The following ARHGEF40 variants were observed in gnomAD, a reference collection of about 807,000 sequenced individuals.
The protein encoded by ARHGEF40 is Rho guanine nucleotide exchange factor (GEF) 40.
In ARHGEF40, 98 loss-of-function variants were observed where a neutral mutation model predicts 165.9. The ratio of observed to expected loss-of-function variants is 0.59; its 90% CI spans 0.50 to 0.70. The LOEUF (loss-of-function observed/expected upper bound fraction) is 0.70. Among genes scored for constraint, ARHGEF40 ranks in the 30% least tolerant of loss-of-function variants. ARHGEF40 has a pLI of 0.00. For missense variants in ARHGEF40, 1,815 were observed against 1,968.0 expected (o/e 0.92, Z 1.47); for synonymous variants, 792 against 814.3 (o/e 0.97, Z 0.47).
chr14:21,082,241 C>T lies in ARHGEF40; in HGVS notation c.3252-3C>T. On this transcript the variant is annotated splice_region_variant and splice_polypyrimidine_tract_variant and intron_variant, in intron 14 of 23. Coordinates refer to ENST00000298694, the MANE Select transcript of ARHGEF40 (RefSeq NM_018071.5). Reference sequence around the variant, plus strand: ...TCCTCTGCCACTCCTATTGTGCCTGCAGTGCCCAGCAGCGGCTGGTGTCTG... The same window carrying T: ...TCCTCTGCCACTCCTATTGTGCCTGTAGTGCCCAGCAGCGGCTGGTGTCTG... 2 of 1,603,728 alleles carry T rather than the reference C, an allele frequency of 1.2e-6. No homozygotes were observed. The highest frequency in any genetic ancestry group is 1.7e-6 in the Non-Finnish European group (2 of 1,172,886).
rs1887191910 is a variant in ARHGEF40, at chr14:21,074,072, C to G, written c.342C>G (p.Ala114=). Residue 114 remains alanine (A), a synonymous_variant, in exon 3 of 24, where the codon GCC becomes GCG. Transcript: ENST00000298694. This position sits in a 1 kb window ranked among gnomAD's most constrained non-coding sequence, Gnocchi z 4.8. ...DFYLQVVPSA[A]QAPRLALKCL... ...ATCTGCAGGTGGTGCCCTCAGCTGC[C>G]CAAGCACCCCGACTAGCACTCAAGT... The G allele has an allele frequency of 6.2e-7, 1 of 1,613,992 alleles. No individual in the cohort carries two copies. The highest frequency in any genetic ancestry group is 1.3e-5 in the African/African-American group (1 of 74,902).
At position 21,073,988 on chromosome 14, in the gene ARHGEF40, A is replaced by T; in HGVS notation, c.258A>T (p.Glu86Asp). Reference sequence around the variant, plus strand: ...AGGGGTGGCCGCTCTGCCTGCATGAACAGGTGGTGGTGCAGCTAGCAGCCC... The same window carrying T: ...AGGGGTGGCCGCTCTGCCTGCATGATCAGGTGGTGGTGCAGCTAGCAGCCC... ...FHEGWPLCLH[E>D]QVVVQLAALP... Residue 86 changes from glutamate (E) to aspartate (D), a missense_variant, in exon 3 of 24, where the codon GAA becomes GAT. Physicochemically the swap from Glu to Asp is conservative, Grantham distance 45 (BLOSUM62 2). Coordinates refer to ENST00000298694, the MANE Select transcript of ARHGEF40 (RefSeq NM_018071.5). The surrounding 1 kb of genome is among the most constrained non-coding windows in gnomAD (Gnocchi z 4.6). 6.2e-7 allele frequency: 1 copy of T among 1,612,786 alleles called. No individual in the cohort carries two copies. The highest frequency in any genetic ancestry group is 8.5e-7 in the Non-Finnish European group (1 of 1,179,940).
chr14:21,085,748 G>A lies in ARHGEF40; in HGVS notation c.4020G>A (p.Trp1340Ter). 1.2e-6 allele frequency: 2 copies of A among 1,614,212 alleles called. No homozygotes were observed. Among genetic ancestry groups the A allele is most frequent in the Non-Finnish European group, 1.7e-6 (2 of 1,180,046 alleles). The change falls in exon 19 of 24, where the codon TGG (tryptophan) becomes TGA (stop). Residue 1340 changes from tryptophan (W) to a stop codon, truncating the protein, a stop_gained. Coordinates refer to ENST00000298694, the MANE Select transcript of ARHGEF40 (RefSeq NM_018071.5). LOFTEE classifies it high-confidence loss of function. ...ACAGCGGACTCTGCTTTGAGTTGTG[G>A]TTTCGGCGGCGGCGTGCACGAGAGG... Reference protein sequence around the residue: ...IGDSGLCFELWFRRRRAREAY... With the variant: ...IGDSGLCFEL
rs898976274 is a variant in ARHGEF40, at chr14:21,090,139, T to C, written c.*1131T>C. 2 of 460,898 alleles carry C rather than the reference T, an allele frequency of 4.3e-6. No homozygotes were observed. The highest frequency in any genetic ancestry group is 8.6e-6 in the Non-Finnish European group (2 of 232,298). 28.6% of individuals were successfully genotyped at this position (460,898 alleles called of 1,614,324 possible). A position where few individuals can be genotyped will look rare whatever the true frequency, so the allele number is the denominator to read the frequency against. On this transcript the variant is annotated 3_prime_UTR_variant, in exon 24 of 24. Transcript: ENST00000298694. This position sits in a 1 kb window ranked among gnomAD's most constrained non-coding sequence, Gnocchi z 4.4. Reference sequence around the variant, plus strand: ...TCTGCAATAGGGATGACAGGAATCGTACCAAAAATAGCGACGTCTACAGGG... The same window carrying C: ...TCTGCAATAGGGATGACAGGAATCGCACCAAAAATAGCGACGTCTACAGGG...
rs762080940 is a variant in ARHGEF40, at chr14:21,075,564, G to A, written c.1618+65G>A. On this transcript the variant is annotated intron_variant, in intron 4 of 23. Transcript: ENST00000298694. The surrounding 1 kb of genome is among the most constrained non-coding windows in gnomAD (Gnocchi z 4.5). ...AAAGAGAAGCAATTGGGTGGGCTTG[G>A]GGACTGGGGGAGGCAGGGTGGAAAG... 13 of 1,613,990 alleles carry A rather than the reference G, an allele frequency of 8.1e-6. No homozygotes were observed. Among genetic ancestry groups the A allele is most frequent in the Non-Finnish European group, 1.0e-5 (12 of 1,180,010 alleles).
At position 21,080,912 on chromosome 14, in the gene ARHGEF40, G is replaced by C. The variant is rs1440319668; in HGVS notation, c.2536G>C (p.Glu846Gln). ...GGCACGGGAGGCCCTGGCTCTGGAGGAGAATGCCACCTCCCAGAAGGTGCT... is the reference window on the plus strand; with the variant it reads ...GGCACGGGAGGCCCTGGCTCTGGAGCAGAATGCCACCTCCCAGAAGGTGCT... ...AQAREALALE[E>Q]NATSQKVLDI... The change falls in exon 13 of 24, where the codon GAG (glutamate) becomes CAG (glutamine). Residue 846 changes from glutamate to glutamine, a missense_variant. By Grantham distance (29) the Glu-to-Gln change is conservative. Transcript: ENST00000298694. 1 of 1,614,070 alleles carries C rather than the reference G, an allele frequency of 6.2e-7. No homozygotes were observed. Among genetic ancestry groups the C allele is most frequent in the Admixed American group, 1.7e-5 (1 of 60,006 alleles).
chr14:21,072,442 A>T lies in ARHGEF40; in HGVS notation c.4-603A>T, dbSNP rs989512927. Among the ~76,000 whole-genome samples, 4 of 152,130 alleles carry T rather than the reference A, an allele frequency of 2.6e-5. No individual in the cohort carries two copies. The highest frequency in any genetic ancestry group is 6.5e-5 in the Admixed American group (1 of 15,276). On this transcript the variant is annotated intron_variant, in intron 1 of 23. Transcript: ENST00000298694. The surrounding 1 kb of genome is among the most constrained non-coding windows in gnomAD (Gnocchi z 4.1). ...AGCCACTGTGGGAGAAGGAAGAGGG[A>T]TGCTAGAAAGACCCAAGACAGTCAC...
rs796892810 is a variant in ARHGEF40 at position 21,078,960 on chromosome 14, C to T, written c.2323C>T (p.Leu775=). ...AIHQLVRLSN[L]HVQQQEQRQC... ...TCACCAGCTTGTGCGCCTCTCCAACCTGCACGTGCAGCAGCAAGAGCAGCG... is the reference window on the plus strand; with the variant it reads ...TCACCAGCTTGTGCGCCTCTCCAACTTGCACGTGCAGCAGCAAGAGCAGCG... Residue 775 remains leucine, a synonymous_variant, in exon 11 of 24, where the codon CTG becomes TTG. Transcript: ENST00000298694. The T allele has an allele frequency of 2.5e-6, 4 of 1,614,208 alleles. No homozygotes were observed. The African/African-American group carries it at 5.3e-5, about 22-fold the overall frequency.
intron 20 of ARHGEF40, 106 bp downstream of exon 20, chr14:21,087,211 A>G (rs993019620): frequency 1.0e-5 from 16 of 1,577,702 alleles, no homozygotes; most frequent in African/African-American, 2.7e-5. Context: ...CTCGTCCCCA[A>G]ATCAGTGGGA....
chr14:21,078,077 G>A (rs548204254), intron 8 of ARHGEF40, 100 bp from the exon 9 acceptor site: 65 of 1,026,548 alleles, frequency 6.3e-5, no homozygotes, highest in Non-Finnish European at 8.8e-5. Context: ...ATTCAGCATT[G>A]CCTCCATAAA....
chr14:21,088,090 T>C lies in ARHGEF40; in HGVS notation c.4510T>C (p.Ser1504Pro). 1.2e-6 allele frequency: 2 copies of C among 1,610,464 alleles called. No individual in the cohort carries two copies. The highest frequency in any genetic ancestry group is 1.7e-6 in the Non-Finnish European group (2 of 1,178,366). The change falls in exon 22 of 24, where the codon TCC becomes CCC. Residue 1504 changes from serine (S) to proline (P), a missense_variant. Transcript: ENST00000298694. ...TLASRGILGLSRQSHARALSD... is the reference protein window; with the variant it reads ...TLASRGILGLPRQSHARALSD... Reference sequence around the variant, plus strand: ...GGCCAGTCGAGGGATCTTAGGGCTATCCCGACAGGTAAGTTCCTACAACGA... The same window carrying C: ...GGCCAGTCGAGGGATCTTAGGGCTACCCCGACAGGTAAGTTCCTACAACGA...
Position 21,086,941 on chromosome 14 carries a change from C to A in ARHGEF40, c.4139-60C>A. 77 of 1,255,538 alleles carry A rather than the reference C, an allele frequency of 6.1e-5. 1 individual carries two copies. The highest frequency in any genetic ancestry group is 7.5e-5 in the Non-Finnish European group (68 of 902,134). 77.8% of individuals were successfully genotyped at this position (1,255,538 alleles called of 1,614,324 possible). The stretch of plus-strand genomic sequence containing the variant: ...AAAAAAAGAAAAAAATCAACCATGA[C>A]ATGCTAGGGCTAGAGAGAAGGGCAG... On this transcript the variant is annotated intron_variant, in intron 19 of 23. Transcript: ENST00000298694.
chr14:21,081,759 G>C lies in ARHGEF40; in HGVS notation c.2891G>C (p.Gly964Ala). 1 of 1,588,198 alleles carries C rather than the reference G, an allele frequency of 6.3e-7. No homozygotes were observed. ...GTGGGAGAGGAGGCGAGCCCACGGG[G>C]CTACCGACGACGGCGGGCAGACGGT... ...QHVGEEASPR[G>A]YRRRRADGAS... Residue 964 changes from glycine to alanine, a missense_variant, in exon 14 of 24, where the codon GGC (glycine) becomes GCC (alanine). Physicochemically the swap from Gly to Ala is moderately conservative, Grantham distance 60. Coordinates refer to ENST00000298694, the MANE Select transcript of ARHGEF40 (RefSeq NM_018071.5).
rs141620116 is a variant in ARHGEF40, at chr14:21,079,028, C to T, written c.2373+18C>T. ...TCCAGCAGGTGAGCCAGGATCCCCA[C>T]GTCCCTCTTACTCAGCCTGGGAGTG... is the stretch of plus-strand genomic sequence containing the variant. On this transcript the variant is annotated intron_variant, in intron 11 of 23. Transcript: ENST00000298694. The T allele has an allele frequency of 1.9e-4, 299 of 1,607,636 alleles. 2 individuals carry two copies. In the African/African-American group the frequency reaches 3.3e-3, roughly 18 times the overall value.
chr14:21,075,423 G>A lies in ARHGEF40; in HGVS notation c.1542G>A (p.Glu514=), dbSNP rs970831769. 25 of 1,614,106 alleles carry A rather than the reference G, an allele frequency of 1.5e-5. No individual in the cohort carries two copies. The highest frequency in any genetic ancestry group is 2.1e-5 in the Non-Finnish European group (25 of 1,180,042). Residue 514 remains glutamate (E), a synonymous_variant, in exon 4 of 24, where the codon GAG becomes GAA. Transcript: ENST00000298694. This position sits in a 1 kb window ranked among gnomAD's most constrained non-coding sequence, Gnocchi z 4.5. The part of the protein sequence containing the change: ...QEGKGDNIPE[E]ALAVSVSDHP... ...GAAAAGGGGACAACATTCCAGAAGA[G>A]GCCCTTGCAGTCTCCGTCTCTGATC...
Position 21,080,482 on chromosome 14 carries a change from C to T in ARHGEF40, c.2374-178C>T, listed in dbSNP as rs993007200. Among the ~76,000 whole-genome samples the T allele has an allele frequency of 3.9e-5, 6 of 152,354 alleles. No homozygotes were observed. In the South Asian group the frequency reaches 6.2e-4, roughly 16 times the overall value. On this transcript the variant is annotated intron_variant, in intron 11 of 23. Transcript: ENST00000298694. The stretch of plus-strand genomic sequence containing the variant: ...TTACCAAAGATTTCTTACTCGGTTT[C>T]TCATCTGACCCTTGTGGAAACTATT...
At chr14:21,064,592 G>A in the ARHGEF40 span, among the ~76,000 whole-genome samples, 3 of 152,056 alleles carry the variant, frequency 2.0e-5, no homozygotes, top group African/African-American at 4.8e-5. Flanking sequence ...GTGAGCCACC[G>A]CACCCAGCCT....
At chr14:21,080,095 C>T (rs1411302407) in intron 11 of ARHGEF40, among the ~76,000 whole-genome samples, 1 of 152,150 alleles carries the variant, frequency 6.6e-6, no homozygotes, top group South Asian at 2.1e-4. Context: ...CCACCCCCAG[C>T]TTCCAGCCTT....
rs1265371770 is a variant in ARHGEF40 at position 21,073,293 on chromosome 14, C to T, written c.201+51C>T. 4 of 1,535,514 alleles carry T rather than the reference C, an allele frequency of 2.6e-6. No homozygotes were observed. Among genetic ancestry groups the T allele is most frequent in the Admixed American group, 2.0e-5 (1 of 50,990 alleles). On this transcript the variant is annotated intron_variant, in intron 2 of 23. Transcript: ENST00000298694. The surrounding 1 kb of genome is among the most constrained non-coding windows in gnomAD (Gnocchi z 4.6). Reference sequence around the variant, plus strand: ...GCCTTCCCCAAGATCCACTGCCACACTCTACAGACTAGCCAGGCTGACTAA... The same window carrying T: ...GCCTTCCCCAAGATCCACTGCCACATTCTACAGACTAGCCAGGCTGACTAA...
Sources: allele counts gnomAD v4.1 joint callset (sites outside exome capture counted in the v4.1 genomes callset), GRCh38; gene constraint gnomAD v4.1.1; non-coding constraint Gnocchi (gnomAD v3.1); transcripts MANE v1.5; gene names NCBI Gene and HGNC (gene_info 2026-07-23, HGNC 2026-07-21).